Variants in SS18L1 observed in about 807,000 individuals in gnomAD.
The protein encoded by SS18L1 is SS18L1 subunit of BAF chromatin remodeling complex.
Under a neutral mutation model 70.3 loss-of-function variants are expected in SS18L1, and 32 were observed. That is an observed-to-expected ratio of 0.46 (90% confidence interval 0.34 to 0.61). The LOEUF is 0.61. Among genes scored for constraint, SS18L1 ranks in the 20% least tolerant of loss-of-function variants. The pLI, the probability that SS18L1 is intolerant of heterozygous loss-of-function variation, is 0.01. For synonymous variants in SS18L1, 237 were observed against 229.7 expected, an observed-to-expected ratio of 1.03 and a Z score of -0.29; for missense variants, 430 against 542.1, an observed-to-expected ratio of 0.79 and a Z score of 2.05.
chr20:62,158,575 C>G lies in SS18L1; in HGVS notation c.70-97C>G, dbSNP rs1347868337. The G allele has an allele frequency of 1.3e-6, 2 of 1,522,922 alleles. No individual in the cohort carries two copies. The highest frequency in any genetic ancestry group is 3.9e-5 in the Admixed American group (2 of 51,044). 94.3% of individuals were successfully genotyped at this position (1,522,922 alleles called of 1,614,324 possible). A position where few individuals can be genotyped will look rare whatever the true frequency, so the allele number is the denominator to read the frequency against. The stretch of plus-strand genomic sequence containing the variant: ...TGACACGTTTCACGTAAGGGACGCT[C>G]AACCTATATGAAAACTAGATGTGTA... On this transcript the variant is annotated intron_variant, in intron 1 of 10. Coordinates refer to ENST00000331758, the MANE Select transcript of SS18L1 (RefSeq NM_198935.3). The surrounding 1 kb of genome is among the most constrained non-coding windows in gnomAD (Gnocchi z 4.5).
At chr20:62,169,633 G>A (rs1020192126) in intron 8 of SS18L1, among the ~76,000 whole-genome samples, 1 of 152,102 alleles carries the variant, frequency 6.6e-6, no homozygotes, top group Non-Finnish European at 1.5e-5. Flanking sequence ...ACAAAAACTA[G>A]CTGGGCTTGG....
rs556979032 is a variant in SS18L1, at chr20:62,176,626, C to T, written c.1164+1982C>T. 4.1e-4 allele frequency among the ~76,000 whole-genome samples: 62 copies of T among 152,166 alleles called. 1 individual carries two copies. In the South Asian group the frequency reaches 0.013, roughly 32 times the overall value. ...AGTCAGGAGTTGGAGAGCAGCCTGG[C>T]CAACATGGTGAAACCCCATCTCTGC... is the stretch of plus-strand genomic sequence containing the variant. On this transcript the variant is annotated intron_variant, in intron 10 of 10. Coordinates refer to ENST00000331758, the MANE Select transcript of SS18L1 (RefSeq NM_198935.3).
In SS18L1 at chr20:62,171,737, C is replaced by T. The variant is rs183709134; in HGVS notation, c.917-945C>T. Among the ~76,000 whole-genome samples the T allele has an allele frequency of 1.1e-3, 172 of 152,318 alleles. 1 individual carries two copies. The highest frequency in any genetic ancestry group is 3.4e-3 in the Middle Eastern group (1 of 294). ...AGTAAAGTAGAAAATGGATTCTTTG[C>T]GCAGAGCATGGTGGCTTACGCCTGT... On this transcript the variant is annotated intron_variant, in intron 8 of 10. Coordinates refer to ENST00000331758, the MANE Select transcript of SS18L1 (RefSeq NM_198935.3).
intron 10 of SS18L1, among the ~76,000 whole-genome samples, chr20:62,178,782 A>G (rs1019373962): frequency 5.3e-5 from 8 of 152,010 alleles, no homozygotes; most frequent in African/African-American, 1.9e-4. Context: ...TTTTTTTTAT[A>G]GATTGAAACC....
intron 1 of SS18L1, among the ~76,000 whole-genome samples, chr20:62,156,262 C>A (rs2057221666): frequency 6.6e-6 from 1 of 152,168 alleles, no homozygotes; most frequent in African/African-American, 2.4e-5. Flanking sequence ...AGGGGAAGCC[C>A]TTTAGAAGGA....
chr20:62,180,002 G>C lies in SS18L1; in HGVS notation c.*794G>C, dbSNP rs2057684266. Reference sequence around the variant, plus strand: ...AAGGAAAGGGGCAGCTCTCTGGGAAGTGGGCCCTCAGAGATTACTCTGGCT... The same window carrying C: ...AAGGAAAGGGGCAGCTCTCTGGGAACTGGGCCCTCAGAGATTACTCTGGCT... On this transcript the variant is annotated 3_prime_UTR_variant, in exon 11 of 11. Transcript: ENST00000331758. 1 of 221,982 alleles carries C rather than the reference G, an allele frequency of 4.5e-6. No homozygotes were observed. Among genetic ancestry groups the C allele is most frequent in the Non-Finnish European group, 9.0e-6 (1 of 111,116 alleles). 13.8% of individuals were successfully genotyped at this position (221,982 alleles called of 1,614,324 possible). A position where few individuals can be genotyped will look rare whatever the true frequency, so the allele number is the denominator to read the frequency against.
chr20:62,156,640 G>T (rs2057228861), intron 1 of SS18L1, among the ~76,000 whole-genome samples: 1 of 152,266 alleles, frequency 6.6e-6, no homozygotes, highest in African/African-American at 2.4e-5. Flanking sequence ...TGCCCTGTGA[G>T]CTGGCCTGGC....
chr20:62,171,510 G>A (rs1348977966), intron 8 of SS18L1, among the ~76,000 whole-genome samples: 1 of 152,188 alleles, frequency 6.6e-6, no homozygotes, highest in Non-Finnish European at 1.5e-5. Flanking sequence ...CTCGCCTTAG[G>A]AGGAGTTCAG....
chr20:62,177,887 A>G (rs2057647377), intron 10 of SS18L1, among the ~76,000 whole-genome samples: 3 of 151,388 alleles, frequency 2.0e-5, no homozygotes, highest in Admixed American at 1.3e-4. Context: ...ACACCTGGCT[A>G]ATTTTTGTAT....
chr20:62,143,826 C>G lies in SS18L1; in HGVS notation c.6C>G (p.Ser2=), dbSNP rs757318219. The change falls in exon 1 of 11, where the codon TCC becomes TCG. Residue 2 remains serine (S), a synonymous_variant. Transcript: ENST00000331758. M[S]VAFASARPRG... ...CTGAGCCCCGCGCCGCCACCATGTC[C>G]GTGGCCTTCGCGTCTGCCCGGCCAA... is the stretch of plus-strand genomic sequence containing the variant. The G allele has an allele frequency of 3.1e-5, 41 of 1,343,790 alleles. No individual in the cohort carries two copies. The highest frequency in any genetic ancestry group is 3.9e-5 in the Non-Finnish European group (40 of 1,017,782). The allele number at this position is 1,343,790 out of a possible 1,614,324, so 83.2% of individuals were successfully genotyped here.
rs2057672715 is a variant in SS18L1, at chr20:62,179,256, G to C, written c.*48G>C. ...CCCTTGTGGTAGCGTGTTCATCCAG[G>C]GGCCGGATGGGCTGGCGGCAGCTCT... On this transcript the variant is annotated 3_prime_UTR_variant, in exon 11 of 11. Coordinates refer to ENST00000331758, the MANE Select transcript of SS18L1 (RefSeq NM_198935.3). 6.2e-7 allele frequency: 1 copy of C among 1,608,436 alleles called. No individual in the cohort carries two copies. The highest frequency in any genetic ancestry group is 1.3e-5 in the African/African-American group (1 of 74,776).
chr20:62,179,362 A>C lies in SS18L1; in HGVS notation c.*154A>C. The C allele has an allele frequency of 1.3e-6, 1 of 798,978 alleles. No individual in the cohort carries two copies. The allele number at this position is 798,978 out of a possible 1,614,324, so 49.5% of individuals were successfully genotyped here. A position where few individuals can be genotyped will look rare whatever the true frequency, so the allele number is the denominator to read the frequency against. On this transcript the variant is annotated 3_prime_UTR_variant, in exon 11 of 11. Coordinates refer to ENST00000331758, the MANE Select transcript of SS18L1 (RefSeq NM_198935.3). ...GCGTGCTCATTTCATGCTGGGTATGACGCCGAGCGCACACCACTGGCGTGA... is the reference window on the plus strand; with the variant it reads ...GCGTGCTCATTTCATGCTGGGTATGCCGCCGAGCGCACACCACTGGCGTGA...
intron 5 of SS18L1, 114 bp from the exon 6 acceptor site, chr20:62,163,344 T>G: frequency 6.9e-7 from 1 of 1,438,940 alleles, no homozygotes; most frequent in Non-Finnish European, 9.3e-7. Flanking sequence ...GCTGTCCTCG[T>G]GGGGAGCACA....
intron 10 of SS18L1, 106 bp from the exon 11 acceptor site, chr20:62,179,076 T>G: frequency 8.0e-7 from 1 of 1,253,838 alleles, no homozygotes; most frequent in Non-Finnish European, 1.2e-6. Context: ...GCAGAGGTTG[T>G]TTGCTTGCTG....
intron 7 of SS18L1, 38 bp from the exon 8 acceptor site, chr20:62,165,384 C>T: frequency 6.3e-7 from 1 of 1,586,918 alleles, no homozygotes; most frequent in Non-Finnish European, 8.6e-7. Context: ...GTGCAGTGCA[C>T]AGCCTCCGCT....
chr20:62,154,305 T>G (rs2057184284), intron 1 of SS18L1: 4 of 1,040,382 alleles, frequency 3.8e-6, no homozygotes, highest in Non-Finnish European at 3.5e-6. Context: ...CGGCCAGTCA[T>G]CGAGTGCCCT....
At chr20:62,154,482 T>C in intron 1 of SS18L1, 1 of 1,023,666 alleles carries the variant, frequency 9.8e-7, no homozygotes, top group South Asian at 4.6e-5. Context: ...TCATCTCTCC[T>C]CCAGAGCCTC....
rs1473112545 is a variant in SS18L1, at chr20:62,181,902, G to C, written c.*2694G>C. ...AGCAAAGGAAGACATGAAAATTGACGCTCATTCTTCTTCCTATTGTTCCCT... is the reference window on the plus strand; with the variant it reads ...AGCAAAGGAAGACATGAAAATTGACCCTCATTCTTCTTCCTATTGTTCCCT... On this transcript the variant is annotated 3_prime_UTR_variant, in exon 11 of 11. Coordinates refer to ENST00000331758, the MANE Select transcript of SS18L1 (RefSeq NM_198935.3). The C allele has an allele frequency of 1.3e-5, 3 of 227,728 alleles. No homozygotes were observed. Among genetic ancestry groups the C allele is most frequent in the Non-Finnish European group, 2.6e-5 (3 of 114,840 alleles). The allele number at this position is 227,728 out of a possible 1,614,324, so 14.1% of individuals were successfully genotyped here. A position where few individuals can be genotyped will look rare whatever the true frequency, so the allele number is the denominator to read the frequency against.
intron 1 of SS18L1, among the ~76,000 whole-genome samples, chr20:62,155,621 G>C (rs1222640669): frequency 6.6e-6 from 1 of 152,152 alleles, no homozygotes; most frequent in Non-Finnish European, 1.5e-5. Flanking sequence ...TTTCCCTTCA[G>C]TGCCCAAGCA....
Sources: gnomAD v4.1 joint callset for allele counts (sites outside exome capture counted in the v4.1 genomes callset) on GRCh38, gnomAD v4.1.1 for gene constraint, Gnocchi (gnomAD v3.1) non-coding constraint, MANE v1.5 for transcripts, NCBI Gene and HGNC (gene_info 2026-07-23, HGNC 2026-07-21) for gene names.